Variants in ALDH4A1 observed in about 807,000 individuals in gnomAD.
ALDH4A1 encodes the protein delta-1-pyrroline-5-carboxylate dehydrogenase, mitochondrial.
ALDH4A1 carries 46 observed loss-of-function variants against 70.5 expected under a neutral mutation model. That is an observed-to-expected ratio of 0.65 (90% CI 0.51 to 0.83). The LOEUF (loss-of-function observed/expected upper bound fraction) is 0.83, where lower values mean the gene tolerates loss of function less well. ALDH4A1 is among the 40% of genes least tolerant of loss of function. The pLI, the probability that ALDH4A1 is intolerant of heterozygous loss-of-function variation, is 0.00. For missense variants in ALDH4A1, 749 were observed against 766.5 expected (o/e 0.98, Z 0.27); for synonymous variants, 323 against 324.3 (o/e 1.00, Z 0.04).
At position 18,871,788 on chromosome 1, in the gene ALDH4A1, C is replaced by G. The variant is rs1445814180; in HGVS notation, c.*1057G>C. 6.6e-6 allele frequency: 1 copy of G among 152,258 alleles called. No homozygotes were observed. Among genetic ancestry groups the G allele is most frequent in the Non-Finnish European group, 1.5e-5 (1 of 68,072 alleles). 9.4% of individuals were successfully genotyped at this position (152,258 alleles called of 1,614,324 possible). A position where few individuals can be genotyped will look rare whatever the true frequency, so the allele number is the denominator to read the frequency against. On this transcript the variant is annotated 3_prime_UTR_variant, in exon 15 of 15. Coordinates refer to ENST00000375341, the MANE Select transcript of ALDH4A1 (RefSeq NM_003748.4). ...GACCACTCAGAATCCAAGCAGGAGGCATCTGTGGGAGGAATCGTGGTCACA... is the reference window on the plus strand; with the variant it reads ...GACCACTCAGAATCCAAGCAGGAGGGATCTGTGGGAGGAATCGTGGTCACA...
intron 1 of ALDH4A1, among the ~76,000 whole-genome samples, chr1:18,896,394 C>T (rs750669726): frequency 6.6e-6 from 1 of 152,200 alleles, no homozygotes; most frequent in South Asian, 2.1e-4. Context: ...GACACTGGCC[C>T]CTTGGGTTCC....
At chr1:18,889,869 G>T (rs2100592912) in intron 2 of ALDH4A1, 143 bp downstream of exon 2, 1 of 754,362 alleles carries the variant, frequency 1.3e-6, no homozygotes, top group Non-Finnish European at 2.1e-6. Flanking sequence ...CAGACCCACA[G>T]CCCTCCCAGG....
In ALDH4A1 at chr1:18,879,355, C is replaced by T; in HGVS notation, c.885G>A (p.Trp295Ter). 2 of 1,611,462 alleles carry T rather than the reference C, an allele frequency of 1.2e-6. No homozygotes were observed. Among genetic ancestry groups the T allele is most frequent in the Non-Finnish European group, 8.5e-7 (1 of 1,179,002 alleles). ...TGSVPTFKHL[W>*]KQVAQNLDRF... ...GGTCCAGGTTCTGGGCCACCTGCTTCCACAGGTGTTTGAAGGTGCTGGAAC... is the reference window on the plus strand; with the variant it reads ...GGTCCAGGTTCTGGGCCACCTGCTTTCACAGGTGTTTGAAGGTGCTGGAAC... Residue 295 changes from tryptophan (W) to a stop codon, truncating the protein, a stop_gained, in exon 9 of 15, where the codon TGG (tryptophan) becomes TGA (stop). Transcript: ENST00000375341. LOFTEE classifies it high-confidence loss of function.
chr1:18,902,481 G>A lies in ALDH4A1; in HGVS notation c.43C>T (p.Arg15Cys). Residue 15 changes from arginine (R) to cysteine (C), a missense_variant, in exon 1 of 15, where the codon CGC becomes TGC. Physicochemically the swap from Arg to Cys is radical, Grantham distance 180. Coordinates refer to ENST00000375341, the MANE Select transcript of ALDH4A1 (RefSeq NM_003748.4). The stretch of plus-strand genomic sequence containing the variant: ...ACTCACCCGGCCCCGGTCCAGGGGC[G>A]GGACAGCAGGGCGCGGCGGAGCGCG... ...APALRRALLS[R>C]PWTGAGLRWK... The A allele has an allele frequency of 6.9e-7, 1 of 1,450,758 alleles. No individual in the cohort carries two copies. Among genetic ancestry groups the A allele is most frequent in the Non-Finnish European group, 9.1e-7 (1 of 1,100,808 alleles). 89.9% of individuals were successfully genotyped at this position (1,450,758 alleles called of 1,614,324 possible). A position where few individuals can be genotyped will look rare whatever the true frequency, so the allele number is the denominator to read the frequency against.
chr1:18,895,531 AT>A (rs1935588964), intron 1 of ALDH4A1, among the ~76,000 whole-genome samples: 4 of 152,146 alleles, frequency 2.6e-5, no homozygotes, highest in African/African-American at 9.6e-5. Flanking sequence ...GTGGCAGGAG[AT>A]GTCAGGGCTA....
rs951663150 is a variant in ALDH4A1 at position 18,877,371 on chromosome 1, A to C, written c.1137+45T>G. 1.6e-5 allele frequency: 25 copies of C among 1,552,694 alleles called. No homozygotes were observed. The African/African-American group carries it at 3.0e-4, about 19-fold the overall frequency. On this transcript the variant is annotated intron_variant, in intron 10 of 14. Coordinates refer to ENST00000375341, the MANE Select transcript of ALDH4A1 (RefSeq NM_003748.4). Reference sequence around the variant, plus strand: ...AGGAGCCTCCCAGGGACCCAATCCCATCAGCCCCCCGCTGGGCCGCGGCGG... The same window carrying C: ...AGGAGCCTCCCAGGGACCCAATCCCCTCAGCCCCCCGCTGGGCCGCGGCGG...
chr1:18,891,189 C>A (rs1019285734), intron 1 of ALDH4A1, among the ~76,000 whole-genome samples: 2 of 152,214 alleles, frequency 1.3e-5, no homozygotes, highest in Non-Finnish European at 2.9e-5. Flanking sequence ...TGGGGCTTCC[C>A]CTTCAGGCCT....
At chr1:18,883,010 G>A in intron 7 of ALDH4A1, 114 bp downstream of exon 7, 1 of 1,411,500 alleles carries the variant, frequency 7.1e-7, no homozygotes, top group African/African-American at 1.4e-5. Context: ...TCCACCTTCT[G>A]TGCCTCTCCC....
At chr1:18,900,466 G>A (rs1935762893) in intron 1 of ALDH4A1, among the ~76,000 whole-genome samples, 1 of 152,252 alleles carries the variant, frequency 6.6e-6, no homozygotes, top group East Asian at 1.9e-4. Context: ...TGTCCCCCAG[G>A]TAACATCTGA....
At position 18,880,080 on chromosome 1, in the gene ALDH4A1, G is replaced by A. The variant is rs569335958; in HGVS notation, c.867-707C>T. On this transcript the variant is annotated intron_variant, in intron 8 of 14. Coordinates refer to ENST00000375341, the MANE Select transcript of ALDH4A1 (RefSeq NM_003748.4). This position sits in a 1 kb window ranked among gnomAD's most constrained non-coding sequence, Gnocchi z 5.1. ...AGGCCCGCTCCGCCCGCTGATAGGCGGGGAGCCCAGGGGCCCGTGGCTGGC... is the reference window on the plus strand; with the variant it reads ...AGGCCCGCTCCGCCCGCTGATAGGCAGGGAGCCCAGGGGCCCGTGGCTGGC... Among the ~76,000 whole-genome samples the A allele has an allele frequency of 1.7e-4, 26 of 152,298 alleles. No individual in the cohort carries two copies. The highest frequency in any genetic ancestry group is 3.4e-3 in the Middle Eastern group (1 of 294).
chr1:18,879,880 G>A (rs1934896490), intron 8 of ALDH4A1, among the ~76,000 whole-genome samples: 1 of 152,174 alleles, frequency 6.6e-6, no homozygotes, highest in Non-Finnish European at 1.5e-5. Flanking sequence ...CCCGCCCGAA[G>A]CCACCACCCT....
At chr1:18,897,414 G>T (rs548452483) in intron 1 of ALDH4A1, among the ~76,000 whole-genome samples, 14 of 152,306 alleles carry the variant, frequency 9.2e-5, no homozygotes, top group African/African-American at 2.9e-4. Flanking sequence ...GTGGTGGCGT[G>T]TGCCTGTAGT....
intron 3 of ALDH4A1, 77 bp downstream of exon 3, chr1:18,889,285 A>T (rs1935340044): frequency 2.1e-5 from 28 of 1,348,362 alleles, no homozygotes. Context: ...CCCACACATT[A>T]TAAGCTTACG....
chr1:18,885,258 C>T lies in ALDH4A1; in HGVS notation c.453+215G>A, dbSNP rs1157820395. 3.3e-5 allele frequency: 20 copies of T among 598,756 alleles called. No homozygotes were observed. The East Asian group carries it at 3.9e-4, about 12-fold the overall frequency. 37.1% of individuals were successfully genotyped at this position (598,756 alleles called of 1,614,324 possible). A position where few individuals can be genotyped will look rare whatever the true frequency, so the allele number is the denominator to read the frequency against. ...AGGGATGGAGGAGAGGGGACATTTC[C>T]GAGGCAGGACACATGGGCTCTGCAC... On this transcript the variant is annotated intron_variant, in intron 5 of 14. Transcript: ENST00000375341.
intron 4 of ALDH4A1, 117 bp from the exon 5 acceptor site, chr1:18,885,745 C>A: frequency 1.4e-6 from 2 of 1,423,068 alleles, no homozygotes; most frequent in Non-Finnish European, 1.9e-6. Flanking sequence ...CAATGCCTGT[C>A]TCCCTGGGCC....
intron 1 of ALDH4A1, among the ~76,000 whole-genome samples, chr1:18,894,849 TTTTC>T (rs1432243951): frequency 1.9e-4 from 29 of 150,636 alleles, no homozygotes; most frequent in South Asian, 6.2e-4. Context: ...GTGCTTTCTT[TTTTC>T]TTTCTTTCTT....
chr1:18,875,281 A>C, intron 13 of ALDH4A1, 101 bp downstream of exon 13: 3 of 1,569,250 alleles, frequency 1.9e-6, no homozygotes, highest in Non-Finnish European at 2.6e-6. Context: ...GAGAGAAGGT[A>C]GGGGCAGCAT....
In ALDH4A1 at chr1:18,877,693, A is replaced by G. The variant is rs1028530044; in HGVS notation, c.941-81T>C. 40 of 1,512,688 alleles carry G rather than the reference A, an allele frequency of 2.6e-5. No homozygotes were observed. In the African/African-American group the frequency reaches 5.1e-4, roughly 19 times the overall value. The allele number at this position is 1,512,688 out of a possible 1,614,324, so 93.7% of individuals were successfully genotyped here. A position where few individuals can be genotyped will look rare whatever the true frequency, so the allele number is the denominator to read the frequency against. ...AGGGGCCCAAAACACCACCTACGCC[A>G]TCCATGGCCCGGGACCAACACGAGC... On this transcript the variant is annotated intron_variant, in intron 9 of 14. Transcript: ENST00000375341.
At chr1:18,877,973 C>A (rs1272341306) in intron 9 of ALDH4A1, among the ~76,000 whole-genome samples, 1 of 152,120 alleles carries the variant, frequency 6.6e-6, no homozygotes, top group African/African-American at 2.4e-5. Flanking sequence ...GTGGGCACAG[C>A]TTTTTGTGAG....
Sources: allele counts gnomAD v4.1 joint callset (sites outside exome capture counted in the v4.1 genomes callset), GRCh38; gene constraint gnomAD v4.1.1; non-coding constraint Gnocchi (gnomAD v3.1); transcripts MANE v1.5; gene names NCBI Gene and HGNC (gene_info 2026-07-23, HGNC 2026-07-21).